Variants in APLF observed in about 807,000 individuals in gnomAD.
APLF encodes aprataxin and PNK-like factor.
In APLF, 61 loss-of-function variants were observed where a neutral mutation model predicts 55.6. That is an observed-to-expected ratio of 1.10 (90% CI 0.89 to 1.36). APLF has a LOEUF of 1.36. Ranked by LOEUF, APLF falls within the 40% of genes most tolerant of loss-of-function variation. APLF has a pLI of 0.00. For synonymous variants in APLF, 207 were observed against 214.8 expected, an observed-to-expected ratio of 0.96 and a Z score of 0.32; for missense variants, 611 against 602.5, an observed-to-expected ratio of 1.01 and a Z score of -0.15.
chr2:68,556,349 G>A (rs998134118), intron 8 of APLF, among the ~76,000 whole-genome samples: 1 of 151,934 alleles, frequency 6.6e-6, no homozygotes, highest in African/African-American at 2.4e-5. Context: ...ATAACCTATG[G>A]AAATAAAAAA....
intron 9 of APLF, among the ~76,000 whole-genome samples, chr2:68,573,720 T>C (rs1671545809): frequency 6.6e-6 from 1 of 151,966 alleles, no homozygotes; most frequent in Admixed American, 6.6e-5. Flanking sequence ...AGTGACTTGT[T>C]CATTGTCATG....
At chr2:68,471,912 G>A (rs1341771746) in intron 1 of APLF, among the ~76,000 whole-genome samples, 5 of 152,080 alleles carry the variant, frequency 3.3e-5, no homozygotes, top group Non-Finnish European at 7.4e-5. Flanking sequence ...AAGATGGTCA[G>A]GGTACAGCTT....
At chr2:68,479,207 T>C (rs960123323) in intron 1 of APLF, among the ~76,000 whole-genome samples, 1 of 152,178 alleles carries the variant, frequency 6.6e-6, no homozygotes, top group African/African-American at 2.4e-5. Context: ...GTCAGTGTTA[T>C]GGAAGAGAAC....
chr2:68,514,123 T>G (rs1383670326), intron 5 of APLF, among the ~76,000 whole-genome samples: 1 of 151,844 alleles, frequency 6.6e-6, no homozygotes, highest in Non-Finnish European at 1.5e-5. Flanking sequence ...TATTGTACTT[T>G]TCAGTTCTGG....
intron 3 of APLF, among the ~76,000 whole-genome samples, chr2:68,512,744 ATC>A (rs1020510159): frequency 5.9e-5 from 9 of 151,894 alleles, no homozygotes; most frequent in Admixed American, 5.9e-4. Context: ...AGTTTACATT[ATC>A]TCTCTAGAGG....
Position 68,502,768 on chromosome 2 carries a change from A to G in APLF, c.206A>G (p.Lys69Arg). The G allele has an allele frequency of 6.3e-7, 1 of 1,580,064 alleles. No homozygotes were observed. Among genetic ancestry groups the G allele is most frequent in the African/African-American group, 1.4e-5 (1 of 72,856 alleles). Reference sequence around the variant, plus strand: ...CCATGTTTTTACCAGTCTTCAGAGAAGAGTCAGCTCTTACCATTGAAGCCA... The same window carrying G: ...CCATGTTTTTACCAGTCTTCAGAGAGGAGTCAGCTCTTACCATTGAAGCCA... Reference protein sequence around the residue: ...TNPCFYQSSEKSQLLPLKPNL... With the variant: ...TNPCFYQSSERSQLLPLKPNL... The change falls in exon 3 of 10, where the codon AAG (lysine) becomes AGG (arginine). Residue 69 changes from lysine (K) to arginine (R), a missense_variant. By Grantham distance (26) the Lys-to-Arg change is conservative (BLOSUM62 2). Coordinates refer to ENST00000303795, the MANE Select transcript of APLF (RefSeq NM_173545.3).
rs1255551843 is a variant in APLF at position 68,513,141 on chromosome 2, A to G, written c.403A>G (p.Asn135Asp). The G allele has an allele frequency of 3.1e-6, 5 of 1,611,390 alleles. No homozygotes were observed. Among genetic ancestry groups the G allele is most frequent in the Non-Finnish European group, 4.2e-6 (5 of 1,178,390 alleles). ...LNETPKSPVI[N>D]LPHETTGASQ... ...TGAAACACCAAAATCCCCCGTGATT[A>G]ATTTACCTCATGAGACTACTGGTGC... Residue 135 changes from asparagine to aspartate, a missense_variant, in exon 4 of 10, where the codon AAT becomes GAT. Transcript: ENST00000303795.
chr2:68,519,347 A>T (rs887455811), intron 5 of APLF, among the ~76,000 whole-genome samples: 1 of 147,106 alleles, frequency 6.8e-6, no homozygotes, highest in Non-Finnish European at 1.5e-5. Flanking sequence ...CAAAAACATG[A>T]TTCATATTTT....
At chr2:68,513,499 T>C in intron 4 of APLF, 49 bp from the exon 5 acceptor site, 1 of 1,593,372 alleles carries the variant, frequency 6.3e-7, no homozygotes. Flanking sequence ...TTTTGCAAAT[T>C]CATTCAAGAT....
chr2:68,518,573 A>C (rs1325129284), intron 5 of APLF, among the ~76,000 whole-genome samples: 2 of 116,296 alleles, frequency 1.7e-5, no homozygotes, highest in Non-Finnish European at 1.7e-5. Flanking sequence ...TGAATATATA[A>C]TATATCAATA....
At chr2:68,472,511 TA>T (rs112461739) in intron 1 of APLF, among the ~76,000 whole-genome samples, 2 of 151,200 alleles carry the variant, frequency 1.3e-5, no homozygotes, top group East Asian at 3.9e-4. Context: ...TTGGGCAAGA[TA>T]AAAAAAAATA....
chr2:68,506,095 C>G (rs1258114007), intron 3 of APLF, among the ~76,000 whole-genome samples: 1 of 151,766 alleles, frequency 6.6e-6, no homozygotes, highest in East Asian at 1.9e-4. Flanking sequence ...AAGTGAAGAC[C>G]AAAATATGTA....
chr2:68,576,332 G>A (rs7580628), intron 9 of APLF, among the ~76,000 whole-genome samples: 236 of 152,070 alleles, frequency 1.6e-3, no homozygotes, highest in African/African-American at 5.4e-3. Flanking sequence ...TAAAAATATG[G>A]GTAACTGAGA....
chr2:68,523,435 C>T (rs1669949061), intron 5 of APLF, among the ~76,000 whole-genome samples: 1 of 151,852 alleles, frequency 6.6e-6, no homozygotes, highest in East Asian at 1.9e-4. Flanking sequence ...AATTGCAATC[C>T]TAGGTATTTA....
intron 1 of APLF, among the ~76,000 whole-genome samples, chr2:68,483,781 A>G (rs1676041202): frequency 6.6e-6 from 1 of 152,180 alleles, no homozygotes; most frequent in South Asian, 2.1e-4. Flanking sequence ...AATATAGTTT[A>G]TACTGAAAAA....
intron 6 of APLF, 38 bp downstream of exon 6, chr2:68,526,280 T>C: frequency 6.4e-7 from 1 of 1,569,144 alleles, no homozygotes; most frequent in Non-Finnish European, 8.7e-7. Context: ...TGTTTTTTTG[T>C]TAGGTGTTTT....
intron 8 of APLF, among the ~76,000 whole-genome samples, chr2:68,562,158 A>G (rs967583174): frequency 6.6e-6 from 1 of 152,014 alleles, no homozygotes; most frequent in Non-Finnish European, 1.5e-5. Flanking sequence ...CAGTTACCAC[A>G]TGGTATCACT....
intron 1 of APLF, 65 bp from the exon 2 acceptor site, chr2:68,490,125 C>G: frequency 8.0e-7 from 1 of 1,242,670 alleles, no homozygotes; most frequent in East Asian, 2.5e-5. Context: ...TTTCGTTTGC[C>G]TTTTTGTTTT....
At chr2:68,566,318 T>C (rs188086287) in intron 8 of APLF, among the ~76,000 whole-genome samples, 1 of 152,242 alleles carries the variant, frequency 6.6e-6, no homozygotes, top group East Asian at 1.9e-4. Flanking sequence ...GAGTATTTCC[T>C]ATCTTCACAG....
Sources: allele counts gnomAD v4.1 joint callset (sites outside exome capture counted in the v4.1 genomes callset), GRCh38; gene constraint gnomAD v4.1.1; transcripts MANE v1.5; gene names NCBI Gene and HGNC (gene_info 2026-07-23, HGNC 2026-07-21).